CNTNAP2: variants seen among roughly 807,000 people sequenced by gnomAD.
The protein encoded by CNTNAP2 is contactin associated protein 2.
CNTNAP2 carries 98 observed loss-of-function variants against 155.2 expected under a neutral mutation model. That is an observed-to-expected ratio of 0.63 (90% CI 0.54 to 0.75). The LOEUF is 0.75. CNTNAP2 is among the 30% of genes least tolerant of loss of function. CNTNAP2 has a pLI of 0.00. For synonymous variants in CNTNAP2, 651 were observed against 631.2 expected (o/e 1.03, Z -0.47); for missense variants, 1,727 against 1,688.1 (o/e 1.02, Z -0.40).
chr7:147,432,891 C>T (rs1368950956), intron 10 of CNTNAP2, among the ~76,000 whole-genome samples: 1 of 152,170 alleles, frequency 6.6e-6, no homozygotes, highest in African/African-American at 2.4e-5. Context: ...CTGGCACTTA[C>T]CTAAGTTTAT....
At chr7:146,786,826 A>T (rs1187859200) in intron 2 of CNTNAP2, 1 of 152,172 alleles carries the variant, frequency 6.6e-6, no homozygotes, top group African/African-American at 2.4e-5. Flanking sequence ...CAACTTTTGC[A>T]ATGTATTTCC....
intron 1 of CNTNAP2, among the ~76,000 whole-genome samples, chr7:146,635,622 T>G (rs939502500): frequency 6.6e-6 from 1 of 152,194 alleles, no homozygotes; most frequent in Non-Finnish European, 1.5e-5. Flanking sequence ...TTGGTTAAGC[T>G]GCATGGGGTA....
At chr7:147,141,147 T>A (rs1349243968) in intron 8 of CNTNAP2, among the ~76,000 whole-genome samples, 1 of 152,162 alleles carries the variant, frequency 6.6e-6, no homozygotes, top group Non-Finnish European at 1.5e-5. Flanking sequence ...GGTAAAGTCA[T>A]TCTTCTGGTG....
intron 20 of CNTNAP2, among the ~76,000 whole-genome samples, chr7:148,265,483 C>T (rs1270945327): frequency 2.0e-5 from 3 of 152,112 alleles, no homozygotes; most frequent in Non-Finnish European, 4.4e-5. Flanking sequence ...CTATATTGCC[C>T]AGGCTGGTCT....
Position 148,253,055 on chromosome 7 carries a change from T to TGATAGATAGATAGATAGATA in CNTNAP2, c.3382-13977_3382-13958dup, listed in dbSNP as rs56702767. Among the ~76,000 whole-genome samples, 769 of 138,770 alleles carry TGATAGATAGATAGATAGATA rather than the reference T, an allele frequency of 5.5e-3. 7 individuals are homozygous for TGATAGATAGATAGATAGATA. Among genetic ancestry groups the TGATAGATAGATAGATAGATA allele is most frequent in the East Asian group, 0.016 (76 of 4,896 alleles). The allele number at this position is 138,770 out of a possible 152,430, so 91.0% of individuals were successfully genotyped here. A position where few individuals can be genotyped will look rare whatever the true frequency, so the allele number is the denominator to read the frequency against. On this transcript the variant is annotated intron_variant, in intron 20 of 23. Transcript: ENST00000361727. ...ATAGATAGATAGATAGATAGACAGATGATAGATAGATAGATAGATATTGAT... is the reference window on the plus strand; with the variant it reads ...ATAGATAGATAGATAGATAGACAGATGATAGATAGATAGATAGATAGATAGATAGATAGATAGATATTGAT...
intron 13 of CNTNAP2, among the ~76,000 whole-genome samples, chr7:147,803,442 G>T (rs1359149826): frequency 6.6e-6 from 1 of 152,182 alleles, no homozygotes; most frequent in African/African-American, 2.4e-5. Context: ...GCAGGGAAAA[G>T]GTTAGAAACT....
At chr7:146,525,349 T>C (rs911774963) in intron 1 of CNTNAP2, among the ~76,000 whole-genome samples, 1 of 152,166 alleles carries the variant, frequency 6.6e-6, no homozygotes, top group Non-Finnish European at 1.5e-5. Context: ...ATCTGAGAAT[T>C]ATTGGTGGAA....
intron 12 of CNTNAP2, among the ~76,000 whole-genome samples, chr7:147,627,332 C>A (rs1794999708): frequency 6.6e-6 from 1 of 152,078 alleles, no homozygotes; most frequent in South Asian, 2.1e-4. Context: ...CTCTGAATAG[C>A]CAGATAAAAA....
At chr7:146,856,683 CTG>C (rs541879661) in intron 3 of CNTNAP2, among the ~76,000 whole-genome samples, 26 of 152,128 alleles carry the variant, frequency 1.7e-4, no homozygotes, top group Non-Finnish European at 2.6e-4. Flanking sequence ...GAAGCAGACA[CTG>C]TGCGCCTCCA....
intron 20 of CNTNAP2, among the ~76,000 whole-genome samples, chr7:148,264,768 C>T (rs997611091): frequency 6.6e-6 from 1 of 152,140 alleles, no homozygotes; most frequent in Non-Finnish European, 1.5e-5. Flanking sequence ...GATCTCGGCT[C>T]ACTGGAACCT....
intron 12 of CNTNAP2, among the ~76,000 whole-genome samples, chr7:147,625,853 G>A (rs187383993): frequency 3.4e-4 from 52 of 152,280 alleles, no homozygotes; most frequent in African/African-American, 1.2e-3. Context: ...AGGAAAACCT[G>A]CCTCCAAACA....
At chr7:147,320,657 C>G (rs184562460) in intron 9 of CNTNAP2, among the ~76,000 whole-genome samples, 88 of 152,226 alleles carry the variant, frequency 5.8e-4, no homozygotes, top group Non-Finnish European at 2.4e-4. Context: ...GAAATACACT[C>G]CTCTTATGAA....
In CNTNAP2 at chr7:146,742,211, A is replaced by G. The variant is rs1801730421; in HGVS notation, c.98-32060A>G. Among the ~76,000 whole-genome samples, 3 of 152,138 alleles carry G rather than the reference A, an allele frequency of 2.0e-5. No individual in the cohort carries two copies. The South Asian group carries it at 6.2e-4, about 31-fold the overall frequency. On this transcript the variant is annotated intron_variant, in intron 1 of 23. Transcript: ENST00000361727. ...TTGTTTATTTTATTTATTTCTTCAT[A>G]AACTAAATAAATAACATTTATCTAA...
chr7:147,893,836 A>G (rs1437175033), intron 13 of CNTNAP2, among the ~76,000 whole-genome samples: 2 of 152,212 alleles, frequency 1.3e-5, no homozygotes, highest in East Asian at 3.9e-4. Context: ...CATGTAAAAG[A>G]AGAGGAAGCT....
At chr7:147,859,350 C>T (rs1025406200) in intron 13 of CNTNAP2, among the ~76,000 whole-genome samples, 2 of 150,136 alleles carry the variant, frequency 1.3e-5, no homozygotes, top group African/African-American at 2.4e-5. Flanking sequence ...AAAGCCATGC[C>T]GTGCTACAAA....
intron 9 of CNTNAP2, among the ~76,000 whole-genome samples, chr7:147,391,154 T>C (rs1796709947): frequency 6.6e-6 from 1 of 152,168 alleles, no homozygotes; most frequent in Admixed American, 6.6e-5. Flanking sequence ...CAATGGTAGA[T>C]TATGCACAGA....
intron 18 of CNTNAP2, among the ~76,000 whole-genome samples, chr7:148,198,409 T>G (rs1339124990): frequency 6.6e-6 from 1 of 152,188 alleles, no homozygotes; most frequent in Non-Finnish European, 1.5e-5. Context: ...ATGTAGATTC[T>G]TAACTGCCTT....
intron 21 of CNTNAP2, among the ~76,000 whole-genome samples, chr7:148,321,290 G>A (rs1797786951): frequency 6.6e-6 from 1 of 152,210 alleles, no homozygotes; most frequent in Non-Finnish European, 1.5e-5. Context: ...TGTGTTGAGT[G>A]TAGGATTCTA....
intron 9 of CNTNAP2, among the ~76,000 whole-genome samples, chr7:147,331,889 C>T (rs1795577150): frequency 6.6e-6 from 1 of 152,146 alleles, no homozygotes; most frequent in South Asian, 2.1e-4. Flanking sequence ...GTGATCTCAC[C>T]AGCTGCTTCA....
Sources: gnomAD v4.1 joint callset for allele counts (sites outside exome capture counted in the v4.1 genomes callset) on GRCh38, gnomAD v4.1.1 for gene constraint, MANE v1.5 for transcripts, NCBI Gene and HGNC (gene_info 2026-07-23, HGNC 2026-07-21) for gene names.